The following AGBL4 variants were observed in gnomAD, a reference collection of about 807,000 sequenced individuals.
The protein encoded by AGBL4 is AGBL carboxypeptidase 4, also known as cytosolic carboxypeptidase 6.
In AGBL4, 58 loss-of-function variants were observed where a neutral mutation model predicts 66.4. The ratio of observed to expected loss-of-function variants is 0.87; its 90% CI spans 0.71 to 1.09. The LOEUF is 1.09. AGBL4 is among the 50% of genes least tolerant of loss of function. The pLI is 0.00. For synonymous variants in AGBL4, 234 were observed against 222.9 expected (o/e 1.05, Z -0.44); for missense variants, 579 against 631.0 (o/e 0.92, Z 0.88).
intron 3 of AGBL4, among the ~76,000 whole-genome samples, chr1:49,402,442 T>C (rs1645105562): frequency 1.3e-5 from 2 of 152,214 alleles, no homozygotes; most frequent in South Asian, 2.1e-4. Context: ...CCAGTGCTCA[T>C]TCAGGAGCAT....
intron 5 of AGBL4, among the ~76,000 whole-genome samples, chr1:48,983,030 T>C (rs1337636219): frequency 6.6e-6 from 1 of 152,194 alleles, no homozygotes; most frequent in African/African-American, 2.4e-5. Flanking sequence ...CCTGTGTATG[T>C]GAGGTTTTTT....
chr1:49,710,971 A>G (rs991353143), intron 2 of AGBL4, among the ~76,000 whole-genome samples: 1 of 152,062 alleles, frequency 6.6e-6, no homozygotes, highest in Non-Finnish European at 1.5e-5. Flanking sequence ...GGAAGCATAT[A>G]AAATGTTACT....
chr1:49,964,750 A>C (rs1321595383), intron 1 of AGBL4, among the ~76,000 whole-genome samples: 1 of 152,162 alleles, frequency 6.6e-6, no homozygotes, highest in Non-Finnish European at 1.5e-5. Context: ...TGATTTCAAA[A>C]TTGATTAAAG....
chr1:49,066,825 G>C (rs542678707), intron 4 of AGBL4, among the ~76,000 whole-genome samples: 2 of 152,188 alleles, frequency 1.3e-5, no homozygotes, highest in Non-Finnish European at 2.9e-5. Flanking sequence ...GCCTGGAGAA[G>C]AGACCTGGAG....
chr1:49,318,386 AGATGATGATGATGATGATGATGATGAT>A (rs3052048), intron 3 of AGBL4, among the ~76,000 whole-genome samples: 1 of 148,676 alleles, frequency 6.7e-6, no homozygotes, highest in African/African-American at 2.5e-5. Flanking sequence ...ATTTAAATGC[AGATGATGATGATGATGATGATGATGAT>A]GATGATGATG....
intron 1 of AGBL4, among the ~76,000 whole-genome samples, chr1:49,950,614 A>G (rs1287681338): frequency 1.3e-5 from 2 of 151,828 alleles, no homozygotes; most frequent in Non-Finnish European, 2.9e-5. Context: ...AGAAAAACAA[A>G]GTAATTTTTC....
At chr1:48,577,025 G>T (rs1644664928) in intron 11 of AGBL4, among the ~76,000 whole-genome samples, 1 of 152,030 alleles carries the variant, frequency 6.6e-6, no homozygotes. Context: ...TCCAATTATT[G>T]TCCAATTAAG....
At chr1:49,512,427 G>A (rs767095991) in intron 3 of AGBL4, among the ~76,000 whole-genome samples, 9 of 152,126 alleles carry the variant, frequency 5.9e-5, no homozygotes, top group African/African-American at 1.9e-4. Context: ...TAATGTTGGA[G>A]GTGGGGCCTG....
chr1:49,372,024 T>C (rs1644357490), intron 3 of AGBL4, among the ~76,000 whole-genome samples: 1 of 152,064 alleles, frequency 6.6e-6, no homozygotes. Flanking sequence ...AGTAAATTCA[T>C]GGTATCATAG....
chr1:48,899,187 C>T (rs970208258), intron 5 of AGBL4, among the ~76,000 whole-genome samples: 1 of 152,194 alleles, frequency 6.6e-6, no homozygotes, highest in South Asian at 2.1e-4. Context: ...GGCGTGTAGC[C>T]GTGGGCAGGC....
At chr1:49,794,733 T>A (rs546449853) in intron 2 of AGBL4, among the ~76,000 whole-genome samples, 13 of 152,110 alleles carry the variant, frequency 8.5e-5, no homozygotes, top group African/African-American at 2.9e-4. Context: ...CCTAGCATAA[T>A]GCATGACTCA....
intron 6 of AGBL4, 97 bp downstream of exon 6, chr1:48,867,094 G>A (rs1344036786): frequency 7.4e-7 from 1 of 1,351,322 alleles, no homozygotes; most frequent in African/African-American, 1.4e-5. Flanking sequence ...CATTCAGGGA[G>A]CCAAAAGAGA....
At chr1:49,751,825 A>G (rs925436670) in intron 2 of AGBL4, among the ~76,000 whole-genome samples, 1 of 152,104 alleles carries the variant, frequency 6.6e-6, no homozygotes, top group Non-Finnish European at 1.5e-5. Flanking sequence ...GTGTCCAGGA[A>G]TTTATCCATT....
At chr1:49,721,292 A>T (rs1196412503) in intron 2 of AGBL4, among the ~76,000 whole-genome samples, 2 of 152,160 alleles carry the variant, frequency 1.3e-5, no homozygotes, top group Non-Finnish European at 2.9e-5. Context: ...GACACTGTGG[A>T]AGCTTTGTTG....
At chr1:49,006,029 T>C (rs1475893908) in intron 5 of AGBL4, among the ~76,000 whole-genome samples, 2 of 150,530 alleles carry the variant, frequency 1.3e-5, no homozygotes, top group Admixed American at 1.3e-4. Context: ...GGAGCCAAGA[T>C]GGCCGAATAG....
intron 9 of AGBL4, among the ~76,000 whole-genome samples, chr1:48,608,735 C>T (rs1257593957): frequency 6.6e-6 from 1 of 152,088 alleles, no homozygotes; most frequent in Non-Finnish European, 1.5e-5. Context: ...CTCTAGAAGG[C>T]TGGTATTGTT....
chr1:49,494,108 G>A (rs948753618), intron 3 of AGBL4, among the ~76,000 whole-genome samples: 7 of 151,720 alleles, frequency 4.6e-5, no homozygotes, highest in Admixed American at 1.3e-4. Flanking sequence ...TTTAATTAAG[G>A]GAGTTAATTT....
chr1:50,006,184 A>C (rs1661113797), intron 1 of AGBL4, among the ~76,000 whole-genome samples: 1 of 152,032 alleles, frequency 6.6e-6, no homozygotes, highest in Admixed American at 6.6e-5. Context: ...CTAAAACTAC[A>C]AAAAATTAGC....
chr1:49,559,014 G>A (rs1052505772), intron 3 of AGBL4, among the ~76,000 whole-genome samples: 3 of 152,072 alleles, frequency 2.0e-5, no homozygotes, highest in Non-Finnish European at 2.9e-5. Context: ...GGGGGAACTC[G>A]CCATCCTGAA....
Sources: gnomAD v4.1 joint callset for allele counts (sites outside exome capture counted in the v4.1 genomes callset) on GRCh38, gnomAD v4.1.1 for gene constraint, MANE v1.5 for transcripts, NCBI Gene and HGNC (gene_info 2026-07-23, HGNC 2026-07-21) for gene names.